The following FHIT variants were observed in gnomAD, a reference collection of about 807,000 sequenced individuals.
FHIT encodes fragile histidine triad diadenosine triphosphatase.
Under a neutral mutation model 17.9 loss-of-function variants are expected in FHIT, and 19 were observed. The ratio of observed to expected loss-of-function variants is 1.06; its 90% CI spans 0.74 to 1.56. The LOEUF (loss-of-function observed/expected upper bound fraction) is 1.56, where lower values mean the gene tolerates loss of function less well. Among genes scored for constraint, FHIT ranks in the 40% most tolerant of loss-of-function variants. The pLI is 0.00. For synonymous variants in FHIT, 81 were observed against 69.7 expected, an observed-to-expected ratio of 1.16 and a Z score of -0.81; for missense variants, 248 against 189.2, an observed-to-expected ratio of 1.31 and a Z score of -1.82.
chr3:60,124,642 T>A (rs1388440735), intron 5 of FHIT, among the ~76,000 whole-genome samples: 4 of 152,190 alleles, frequency 2.6e-5, no homozygotes, highest in Admixed American at 2.6e-4. Flanking sequence ...CATTTAGCCA[T>A]CAGAAGCATG....
chr3:60,653,057 G>A (rs181713023), intron 4 of FHIT, among the ~76,000 whole-genome samples: 1 of 152,160 alleles, frequency 6.6e-6, no homozygotes, highest in Admixed American at 6.5e-5. Context: ...CTTAAAAATA[G>A]ACCGCAACAA....
At chr3:60,919,361 T>C (rs1553767733) in intron 3 of FHIT, among the ~76,000 whole-genome samples, 1 of 151,824 alleles carries the variant, frequency 6.6e-6, no homozygotes. Flanking sequence ...TACAACTTTA[T>C]ACTATATGTG....
intron 3 of FHIT, among the ~76,000 whole-genome samples, chr3:60,983,478 A>T (rs1338237923): frequency 6.6e-6 from 1 of 152,164 alleles, no homozygotes; most frequent in Admixed American, 6.5e-5. Context: ...GGTTGCACAT[A>T]CGTGGGAGCT....
chr3:60,883,258 T>C (rs1485203195), intron 3 of FHIT, among the ~76,000 whole-genome samples: 1 of 152,136 alleles, frequency 6.6e-6, no homozygotes, highest in Non-Finnish European at 1.5e-5. Context: ...ATTCATGAAT[T>C]GGAAGAACTT....
At chr3:59,971,377 T>C (rs1708173552) in intron 7 of FHIT, among the ~76,000 whole-genome samples, 1 of 152,130 alleles carries the variant, frequency 6.6e-6, no homozygotes, top group South Asian at 2.1e-4. Flanking sequence ...ATAATGAGGA[T>C]TCCATTGTGT....
intron 5 of FHIT, among the ~76,000 whole-genome samples, chr3:60,062,440 A>C (rs1323091502): frequency 6.6e-6 from 1 of 152,172 alleles, no homozygotes; most frequent in Non-Finnish European, 1.5e-5. Context: ...TAATATTTTC[A>C]TTTCCAACAT....
chr3:60,011,705 G>C (rs1180700451), intron 6 of FHIT, among the ~76,000 whole-genome samples: 1 of 152,144 alleles, frequency 6.6e-6, no homozygotes, highest in African/African-American at 2.4e-5. Flanking sequence ...AAAATGTTTG[G>C]GGAGGTGAAG....
chr3:60,601,291 T>G (rs2038438589), intron 4 of FHIT, among the ~76,000 whole-genome samples: 1 of 152,140 alleles, frequency 6.6e-6, no homozygotes. Flanking sequence ...TCAGCATGTT[T>G]CAGAGCTGCC....
intron 5 of FHIT, among the ~76,000 whole-genome samples, chr3:60,183,549 C>G (rs899120174): frequency 3.9e-5 from 6 of 152,208 alleles, no homozygotes; most frequent in African/African-American, 1.4e-4. Context: ...AGAAGCTCCA[C>G]AGACTTGACC....
intron 2 of FHIT, among the ~76,000 whole-genome samples, chr3:61,061,832 T>C (rs1575940447): frequency 6.6e-6 from 1 of 152,332 alleles, no homozygotes. Flanking sequence ...TTTTGCCTCC[T>C]CTTCTTTTTC....
At chr3:60,538,093 G>C (rs2036052410) in intron 4 of FHIT, among the ~76,000 whole-genome samples, 1 of 152,116 alleles carries the variant, frequency 6.6e-6, no homozygotes, top group African/African-American at 2.4e-5. Context: ...AGTCTAGGTA[G>C]CTTCAGGATG....
intron 4 of FHIT, among the ~76,000 whole-genome samples, chr3:60,678,881 C>T (rs565736682): frequency 1.2e-4 from 16 of 134,634 alleles, no homozygotes; most frequent in African/African-American, 4.4e-4. Context: ...CTTCCTGAAA[C>T]ATATCAGTGG....
intron 3 of FHIT, among the ~76,000 whole-genome samples, chr3:61,001,510 G>A (rs2031081264): frequency 6.6e-6 from 1 of 152,182 alleles, no homozygotes; most frequent in Admixed American, 6.5e-5. Flanking sequence ...ACACCTGGAT[G>A]AATATCAAGG....
At chr3:60,173,915 A>ATATATATATATATATATTTTT in intron 5 of FHIT, among the ~76,000 whole-genome samples, 4 of 66,434 alleles carry the variant, frequency 6.0e-5, no homozygotes, top group South Asian at 4.7e-4. Flanking sequence ...ATATATATAT[A>ATATATATATATATATATTTTT]TGTTTTTTTT....
At chr3:60,499,484 C>T (rs1346209186) in intron 5 of FHIT, among the ~76,000 whole-genome samples, 4 of 152,046 alleles carry the variant, frequency 2.6e-5, no homozygotes, top group African/African-American at 7.2e-5. Context: ...CTCCTCCTCC[C>T]GGGTTCACGC....
At chr3:60,359,706 T>C (rs966988292) in intron 5 of FHIT, among the ~76,000 whole-genome samples, 1 of 152,246 alleles carries the variant, frequency 6.6e-6, no homozygotes, top group Non-Finnish European at 1.5e-5. Flanking sequence ...ATCTGGGCTT[T>C]ATCTTTTTCT....
At chr3:60,371,815 A>T (rs1700342226) in intron 5 of FHIT, among the ~76,000 whole-genome samples, 1 of 149,292 alleles carries the variant, frequency 6.7e-6, no homozygotes, top group Admixed American at 6.8e-5. Context: ...TTGAGAAGTT[A>T]ACCTCATTTT....
chr3:60,237,210 T>C (rs1233582346), intron 5 of FHIT, among the ~76,000 whole-genome samples: 1 of 152,128 alleles, frequency 6.6e-6, no homozygotes, highest in African/African-American at 2.4e-5. Flanking sequence ...ATGGAACTGT[T>C]TATTTCTCCA....
chr3:60,561,650 T>C (rs1559541278), intron 4 of FHIT, among the ~76,000 whole-genome samples: 1 of 152,252 alleles, frequency 6.6e-6, no homozygotes, highest in South Asian at 2.1e-4. Flanking sequence ...CTGAGCTTTG[T>C]AGTTCTGACA....
Sources: gnomAD v4.1 joint callset for allele counts (sites outside exome capture counted in the v4.1 genomes callset) on GRCh38, gnomAD v4.1.1 for gene constraint, MANE v1.5 for transcripts, NCBI Gene and HGNC (gene_info 2026-07-23, HGNC 2026-07-21) for gene names.